The following BICRA variants were observed in gnomAD, a reference collection of about 807,000 sequenced individuals.
BICRA encodes the protein BRD4 interacting chromatin remodeling complex associated protein, also known as BRD4-interacting chromatin-remodeling complex-associated protein.
A neutral mutation model predicts 96.9 loss-of-function variants in BICRA; 31 were observed. The ratio of observed to expected loss-of-function variants is 0.32; its 90% CI spans 0.24 to 0.43. The LOEUF (loss-of-function observed/expected upper bound fraction) is 0.43, where lower values mean the gene tolerates loss of function less well. Among genes scored for constraint, BICRA ranks in the 20% least tolerant of loss-of-function variants. The pLI, the probability that BICRA is intolerant of heterozygous loss-of-function variation, is 1.00. For missense variants in BICRA, 2,283 were observed against 2,190.3 expected, an observed-to-expected ratio of 1.04 and a Z score of -0.84; for synonymous variants, 1,350 against 1,071.8, an observed-to-expected ratio of 1.26 and a Z score of -5.07.
Position 47,679,587 on chromosome 19 carries a change from C to T in BICRA, c.417C>T (p.Gly139=), listed in dbSNP as rs768352040. ...FQLPTLQPAD[G]GAGPTGAGGA... is the part of the protein sequence containing the mutation. ...TGCCCACCCTGCAGCCTGCGGATGGCGGGGCAGGCCCGACGGGCGCTGGAG... is the reference window on the plus strand; with the variant it reads ...TGCCCACCCTGCAGCCTGCGGATGGTGGGGCAGGCCCGACGGGCGCTGGAG... Residue 139 remains glycine (G), a synonymous_variant, in exon 6 of 15, where the codon GGC becomes GGT. Coordinates refer to ENST00000594866, the MANE Select transcript of BICRA (RefSeq NM_001394372.1). 6.8e-5 allele frequency: 104 copies of T among 1,537,374 alleles called. 1 individual carries two copies. The South Asian group carries it at 1.1e-3, about 16-fold the overall frequency.
intron 1 of BICRA, among the ~76,000 whole-genome samples, chr19:47,629,569 T>A (rs1432835008): frequency 6.6e-6 from 1 of 152,216 alleles, no homozygotes; most frequent in East Asian, 1.9e-4. Context: ...GCCTATCCAT[T>A]TATCTGTCGA....
At chr19:47,659,104 G>A (rs1367609809) in intron 1 of BICRA, among the ~76,000 whole-genome samples, 1 of 152,160 alleles carries the variant, frequency 6.6e-6, no homozygotes, top group Non-Finnish European at 1.5e-5. Flanking sequence ...TTAGAACAGC[G>A]TCGAATGGTG....
At chr19:47,637,627 C>A (rs1489758507) in intron 1 of BICRA, among the ~76,000 whole-genome samples, 3 of 152,194 alleles carry the variant, frequency 2.0e-5, no homozygotes, top group Non-Finnish European at 4.4e-5. Flanking sequence ...CAACGGTCAT[C>A]TCTGTCTAGT....
intron 1 of BICRA, among the ~76,000 whole-genome samples, chr19:47,613,510 C>T (rs746121653): frequency 9.9e-5 from 15 of 152,140 alleles, no homozygotes; most frequent in African/African-American, 3.4e-4. Flanking sequence ...CTTTCTTCCC[C>T]GACCAGGCAC....
intron 1 of BICRA, among the ~76,000 whole-genome samples, chr19:47,619,299 C>T (rs1345474741): frequency 6.6e-6 from 1 of 150,810 alleles, no homozygotes. Context: ...GCTCTGTCCC[C>T]TAGGCCGGAG....
intron 5 of BICRA, among the ~76,000 whole-genome samples, chr19:47,676,776 T>C (rs977632763): frequency 5.9e-5 from 9 of 151,946 alleles, no homozygotes; most frequent in African/African-American, 2.2e-4. Flanking sequence ...AATTATATAA[T>C]GTTGGTCTAT....
chr19:47,667,251 G>A (rs1299734810), intron 1 of BICRA, among the ~76,000 whole-genome samples: 1 of 152,100 alleles, frequency 6.6e-6, no homozygotes, highest in East Asian at 1.9e-4. Context: ...TCCTGACCTT[G>A]TGATCCGCCC....
chr19:47,621,873 C>T (rs776699793), intron 1 of BICRA, among the ~76,000 whole-genome samples: 3 of 152,104 alleles, frequency 2.0e-5, no homozygotes, highest in Non-Finnish European at 4.4e-5. Context: ...CTCACTGCAA[C>T]CTCCACCTCC....
chr19:47,695,497 G>T (rs1442428650), intron 10 of BICRA, 23 bp downstream of exon 10: 12 of 1,129,468 alleles, frequency 1.1e-5, no homozygotes, highest in African/African-American at 6.2e-5. Flanking sequence ...TAGAGCAGGG[G>T]TCAGGACAGG....
intron 1 of BICRA, among the ~76,000 whole-genome samples, chr19:47,645,611 A>G (rs1972447881): frequency 6.6e-6 from 1 of 152,266 alleles, no homozygotes; most frequent in Admixed American, 6.5e-5. Flanking sequence ...GGAGCAAAAA[A>G]GAAACTGGAA....
chr19:47,611,684 C>G (rs1209039401), intron 1 of BICRA, among the ~76,000 whole-genome samples: 6 of 152,180 alleles, frequency 3.9e-5, no homozygotes, highest in Non-Finnish European at 7.3e-5. Context: ...ATGATCCACT[C>G]TGTAACCTTA....
At chr19:47,667,405 C>T (rs180752485) in intron 1 of BICRA, among the ~76,000 whole-genome samples, 3 of 152,300 alleles carry the variant, frequency 2.0e-5, no homozygotes, top group Non-Finnish European at 4.4e-5. Context: ...TTGAAATTCA[C>T]CCTCGGGACT....
chr19:47,695,398 CT>C lies in BICRA; in HGVS notation c.3114del (p.Phe1038LeufsTer8). 1 of 1,568,282 alleles carries C rather than the reference CT, an allele frequency of 6.4e-7. No individual in the cohort carries two copies. The highest frequency in any genetic ancestry group is 8.6e-7 in the Non-Finnish European group (1 of 1,159,570). ...CCTCTGCTTCCAGCCGAGAACAAGGCTTTTGCCAGCAACCTCCCGACCCTGA... is the reference window on the plus strand; with the variant it reads ...CCTCTGCTTCCAGCCGAGAACAAGGCTTTGCCAGCAACCTCCCGACCCTGA... ...LPPLLPAENK[A>X]FASNLPTLNV... On this transcript the variant is annotated frameshift_variant, in exon 10 of 15. Coordinates refer to ENST00000594866, the MANE Select transcript of BICRA (RefSeq NM_001394372.1). LOFTEE classifies it high-confidence loss of function.
chr19:47,629,869 C>T (rs1034908013), intron 1 of BICRA, among the ~76,000 whole-genome samples: 3 of 152,056 alleles, frequency 2.0e-5, no homozygotes, highest in African/African-American at 4.8e-5. Context: ...TGTTGGCCAG[C>T]GTGGTCTCTA....
Position 47,679,805 on chromosome 19 carries a change from C to T in BICRA, c.635C>T (p.Pro212Leu). ...GLGNVTLQPI[P>L]GLQGLPNGSP... ...GGCAATGTGACACTGCAGCCCATCC[C>T]GGGCCTCCAAGGCCTGCCCAATGGC... The change falls in exon 6 of 15, where the codon CCG becomes CTG. Residue 212 changes from proline (P) to leucine (L), a missense_variant. Transcript: ENST00000594866. 2.7e-6 allele frequency: 4 copies of T among 1,487,662 alleles called. No individual in the cohort carries two copies. Among genetic ancestry groups the T allele is most frequent in the Non-Finnish European group, 3.6e-6 (4 of 1,120,806 alleles). The allele number at this position is 1,487,662 out of a possible 1,614,324, so 92.2% of individuals were successfully genotyped here.
At chr19:47,671,443 T>A (rs898194933) in intron 2 of BICRA, among the ~76,000 whole-genome samples, 5 of 152,232 alleles carry the variant, frequency 3.3e-5, no homozygotes, top group African/African-American at 9.6e-5. Context: ...AACTCCACGG[T>A]CCTGAGCTGT....
chr19:47,669,261 T>C (rs1382829801), intron 1 of BICRA, among the ~76,000 whole-genome samples: 2 of 152,120 alleles, frequency 1.3e-5, no homozygotes, highest in African/African-American at 2.4e-5. Context: ...CTGTTAGCCA[T>C]GAGTTCAATG....
rs551953465 is a variant in BICRA at position 47,679,784 on chromosome 19, A to G, written c.614A>G (p.Asn205Ser). The change falls in exon 6 of 15, where the codon AAT becomes AGT. Residue 205 changes from asparagine (N) to serine (S), a missense_variant. Physicochemically the swap from Asn to Ser is conservative, Grantham distance 46 (BLOSUM62 1). Transcript: ENST00000594866. ...TTCCTGCAGCCTGTGGGCCTGGGCA[A>G]TGTGACACTGCAGCCCATCCCGGGC... ...QPFLQPVGLG[N>S]VTLQPIPGLQ... The G allele has an allele frequency of 1.4e-5, 21 of 1,499,588 alleles. No individual in the cohort carries two copies. In the African/African-American group the frequency reaches 2.3e-4, roughly 16 times the overall value. The allele number at this position is 1,499,588 out of a possible 1,614,324, so 92.9% of individuals were successfully genotyped here.
chr19:47,631,796 A>G (rs1420387052), intron 1 of BICRA, among the ~76,000 whole-genome samples: 2 of 152,002 alleles, frequency 1.3e-5, no homozygotes. Context: ...CTACAGGTGC[A>G]CACTACCACG....
Sources: gnomAD v4.1 joint callset for allele counts (sites outside exome capture counted in the v4.1 genomes callset) on GRCh38, gnomAD v4.1.1 for gene constraint, MANE v1.5 for transcripts, NCBI Gene and HGNC (gene_info 2026-07-23, HGNC 2026-07-21) for gene names.